Variants in ANGPT1 observed in about 807,000 individuals in gnomAD.
The protein encoded by ANGPT1 is angiopoietin-1.
A neutral mutation model predicts 62.2 loss-of-function variants in ANGPT1; 17 were observed. That is an observed-to-expected ratio of 0.27 (90% CI 0.19 to 0.41). The LOEUF (loss-of-function observed/expected upper bound fraction) is 0.41. Among genes scored for constraint, ANGPT1 ranks in the 10% least tolerant of loss-of-function variants. The pLI is 1.00. For missense variants in ANGPT1, 478 were observed against 594.9 expected (o/e 0.80, Z 2.04); for synonymous variants, 199 against 198.9 (o/e 1.00, Z 0.00).
intron 3 of ANGPT1, among the ~76,000 whole-genome samples, chr8:107,324,016 T>G (rs1586223728): frequency 6.6e-6 from 1 of 151,834 alleles, no homozygotes. Flanking sequence ...CCTGACCTTG[T>G]GATCTGCCCG....
At chr8:107,483,030 A>G (rs1261631131) in intron 1 of ANGPT1, among the ~76,000 whole-genome samples, 1 of 152,222 alleles carries the variant, frequency 6.6e-6, no homozygotes, top group Non-Finnish European at 1.5e-5. Context: ...AAACATTAAA[A>G]AAAAACTTTA....
At chr8:107,258,523 T>C (rs1813421519) in intron 8 of ANGPT1, among the ~76,000 whole-genome samples, 1 of 152,232 alleles carries the variant, frequency 6.6e-6, no homozygotes, top group African/African-American at 2.4e-5. Flanking sequence ...TAAGCTTTGG[T>C]TGTAGCCTTG....
chr8:107,349,132 A>AGATAGATG (rs1815876003), intron 1 of ANGPT1, among the ~76,000 whole-genome samples: 1 of 150,738 alleles, frequency 6.6e-6, no homozygotes, highest in Admixed American at 6.6e-5. Context: ...TTAGATAGAT[A>AGATAGATG]GATAGATAGA....
At chr8:107,455,650 T>C (rs548917454) in intron 1 of ANGPT1, among the ~76,000 whole-genome samples, 99 of 152,058 alleles carry the variant, frequency 6.5e-4, no homozygotes, top group Non-Finnish European at 1.1e-3. Context: ...AAAAAATAGA[T>C]ATTTATAGTA....
rs1816481137 is a variant in ANGPT1 at position 107,374,241 on chromosome 8, G to A, written c.298-27144C>T. Among the ~76,000 whole-genome samples, 2 of 152,066 alleles carry A rather than the reference G, an allele frequency of 1.3e-5. 1 individual carries two copies. Among genetic ancestry groups the A allele is most frequent in the Non-Finnish European group, 2.9e-5 (2 of 68,018 alleles). Reference sequence around the variant, plus strand: ...GTCGTAAGAAAACAGGAGACCAGAAGAGCCAACTGCAATAGACTGTAATAT... The same window carrying A: ...GTCGTAAGAAAACAGGAGACCAGAAAAGCCAACTGCAATAGACTGTAATAT... On this transcript the variant is annotated intron_variant, in intron 1 of 8. Coordinates refer to ENST00000517746, the MANE Select transcript of ANGPT1 (RefSeq NM_001146.5).
chr8:107,266,189 G>A (rs1012260465), intron 7 of ANGPT1, among the ~76,000 whole-genome samples: 1 of 152,184 alleles, frequency 6.6e-6, no homozygotes, highest in Non-Finnish European at 1.5e-5. Context: ...CCACGTGGAG[G>A]TGGGTTTCAC....
At chr8:107,274,390 TAA>T (rs35124359) in intron 7 of ANGPT1, among the ~76,000 whole-genome samples, 1 of 152,110 alleles carries the variant, frequency 6.6e-6, no homozygotes, top group Non-Finnish European at 1.5e-5. Flanking sequence ...GTAATTTTAG[TAA>T]AGTTATGTAG....
chr8:107,407,817 A>C (rs1459800071), intron 1 of ANGPT1, among the ~76,000 whole-genome samples: 2 of 152,124 alleles, frequency 1.3e-5, no homozygotes, highest in Non-Finnish European at 2.9e-5. Context: ...GGAAGGGAGA[A>C]GATCATCAGT....
At chr8:107,313,513 C>T (rs1814934215) in intron 4 of ANGPT1, among the ~76,000 whole-genome samples, 1 of 128,336 alleles carries the variant, frequency 7.8e-6, no homozygotes, top group African/African-American at 2.9e-5. Flanking sequence ...AATCTCAACT[C>T]ACTGCAAGCT....
At chr8:107,325,972 G>C (rs1298836672) in intron 3 of ANGPT1, among the ~76,000 whole-genome samples, 1 of 152,114 alleles carries the variant, frequency 6.6e-6, no homozygotes. Flanking sequence ...ACACTGGCTT[G>C]TGGAAAAGAT....
intron 1 of ANGPT1, among the ~76,000 whole-genome samples, chr8:107,364,128 T>C (rs1235646983): frequency 6.6e-6 from 1 of 152,186 alleles, no homozygotes; most frequent in South Asian, 2.1e-4. Context: ...ATATATTTAC[T>C]AATTTTTCCA....
At chr8:107,384,668 C>T (rs182706514) in intron 1 of ANGPT1, among the ~76,000 whole-genome samples, 1 of 152,092 alleles carries the variant, frequency 6.6e-6, no homozygotes, top group Non-Finnish European at 1.5e-5. Flanking sequence ...AGCAAAAATG[C>T]TTTTGGAGTC....
intron 4 of ANGPT1, among the ~76,000 whole-genome samples, chr8:107,320,442 T>C (rs1478678625): frequency 6.6e-6 from 1 of 152,058 alleles, no homozygotes; most frequent in Non-Finnish European, 1.5e-5. Flanking sequence ...ATAAGAAAAA[T>C]GTGTTTTCAA....
chr8:107,324,059 A>C (rs554726532), intron 3 of ANGPT1, among the ~76,000 whole-genome samples: 1 of 151,548 alleles, frequency 6.6e-6, no homozygotes, highest in Non-Finnish European at 1.5e-5. Flanking sequence ...GATTACAGGC[A>C]TGAGCCACTG....
At chr8:107,424,468 G>A (rs1409726810) in intron 1 of ANGPT1, among the ~76,000 whole-genome samples, 1 of 152,134 alleles carries the variant, frequency 6.6e-6, no homozygotes. Context: ...CCACTGTTCC[G>A]AGAAGGGTAA....
chr8:107,477,334 A>T (rs1259803893), intron 1 of ANGPT1, among the ~76,000 whole-genome samples: 1 of 152,210 alleles, frequency 6.6e-6, no homozygotes, highest in Non-Finnish European at 1.5e-5. Context: ...GAAATAAATC[A>T]TGATATTGTA....
At chr8:107,290,562 C>T (rs1035248242) in intron 6 of ANGPT1, among the ~76,000 whole-genome samples, 8 of 152,058 alleles carry the variant, frequency 5.3e-5, no homozygotes, top group African/African-American at 1.9e-4. Context: ...AAGAAAAACT[C>T]TAGAGAAAGA....
intron 1 of ANGPT1, among the ~76,000 whole-genome samples, chr8:107,427,800 C>T (rs1811078019): frequency 1.7e-5 from 2 of 118,486 alleles, no homozygotes; most frequent in South Asian, 2.8e-4. Flanking sequence ...CAAATTTGAT[C>T]TTCTCTCAAT....
At chr8:107,410,673 C>G (rs1229425791) in intron 1 of ANGPT1, among the ~76,000 whole-genome samples, 2 of 152,158 alleles carry the variant, frequency 1.3e-5, no homozygotes, top group African/African-American at 4.8e-5. Context: ...AAGTAACTTT[C>G]AGATTATGAC....
Sources: allele counts gnomAD v4.1 joint callset (sites outside exome capture counted in the v4.1 genomes callset), GRCh38; gene constraint gnomAD v4.1.1; transcripts MANE v1.5; gene names NCBI Gene and HGNC (gene_info 2026-07-23, HGNC 2026-07-21).